RBFOX1: variants seen among roughly 807,000 people sequenced by gnomAD.
RBFOX1 encodes RNA binding protein fox-1 homolog 1.
RBFOX1 carries 8 observed loss-of-function variants against 57.7 expected under a neutral mutation model. The ratio of observed to expected loss-of-function variants is 0.14; its 90% CI spans 0.08 to 0.25. The LOEUF is 0.25. Among genes scored for constraint, RBFOX1 ranks in the 10% least tolerant of loss-of-function variants. The pLI is 1.00. For synonymous variants in RBFOX1, 326 were observed against 222.4 expected, an observed-to-expected ratio of 1.47 and a Z score of -4.15; for missense variants, 611 against 548.5, an observed-to-expected ratio of 1.11 and a Z score of -1.14.
chr16:6,629,009 G>T (rs923315757), intron 2 of RBFOX1, among the ~76,000 whole-genome samples: 3 of 152,112 alleles, frequency 2.0e-5, no homozygotes, highest in African/African-American at 7.2e-5. Context: ...CAGCCTGGGT[G>T]ACAGAGTAAG....
In RBFOX1 at chr16:7,336,910, A is replaced by G. The variant is rs2096798528; in HGVS notation, c.28-181237A>G. On this transcript the variant is annotated intron_variant, in intron 4 of 15. Coordinates refer to ENST00000550418, the MANE Select transcript of RBFOX1 (RefSeq NM_018723.4). Reference sequence around the variant, plus strand: ...GACTTTCTTTATCCCAGCTAATGTAAATATTCATGTATTTTGCTGTAGGAA... The same window carrying G: ...GACTTTCTTTATCCCAGCTAATGTAGATATTCATGTATTTTGCTGTAGGAA... Among the ~76,000 whole-genome samples, 4 of 152,132 alleles carry G rather than the reference A, an allele frequency of 2.6e-5. No individual in the cohort carries two copies. In the South Asian group the frequency reaches 8.3e-4, roughly 32 times the overall value.
Position 5,843,017 on chromosome 16 carries a change from C to T in RBFOX1, c.319-24286C>T, listed in dbSNP as rs539334693. On this transcript the variant is annotated intron_variant, in intron 3 of 19. Coordinates refer to the RBFOX1 transcript ENST00000641259. ...TTTTCTTTTTTTTCTTTAGTAGAGACGGGGTTTCACCATGTTGGCCAGGCT... is the reference window on the plus strand; with the variant it reads ...TTTTCTTTTTTTTCTTTAGTAGAGATGGGGTTTCACCATGTTGGCCAGGCT... 3.0e-4 allele frequency among the ~76,000 whole-genome samples: 45 copies of T among 151,986 alleles called. No individual in the cohort carries two copies. The South Asian group carries it at 7.5e-3, about 25-fold the overall frequency.
intron 4 of RBFOX1, among the ~76,000 whole-genome samples, chr16:7,440,489 GC>G (rs1238795113): frequency 6.6e-6 from 1 of 152,154 alleles, no homozygotes; most frequent in East Asian, 1.9e-4. Flanking sequence ...GGCACTGAGA[GC>G]CCAAGGAATG....
chr16:6,084,044 C>A (rs551342532), intron 1 of RBFOX1, among the ~76,000 whole-genome samples: 1 of 152,160 alleles, frequency 6.6e-6, no homozygotes, highest in Non-Finnish European at 1.5e-5. Context: ...AGAGTCTCAA[C>A]TTTGCTACTC....
chr16:7,617,133 A>G (rs1351121383), intron 10 of RBFOX1, among the ~76,000 whole-genome samples: 6 of 152,232 alleles, frequency 3.9e-5, no homozygotes, highest in Non-Finnish European at 8.8e-5. Flanking sequence ...ATGAAAGAGA[A>G]AAGAATGTAC....
chr16:7,455,250 T>C (rs1018868883), intron 4 of RBFOX1, among the ~76,000 whole-genome samples: 1 of 152,220 alleles, frequency 6.6e-6, no homozygotes, highest in African/African-American at 2.4e-5. Context: ...ATTTCCTTTG[T>C]AATACCTGAA....
rs148096499 is a variant in RBFOX1, at chr16:6,888,063, TCC to T, written c.-15-163992_-15-163991del. 2.3e-3 allele frequency among the ~76,000 whole-genome samples: 353 copies of T among 152,244 alleles called. 5 individuals are homozygous for T. In the East Asian group the frequency reaches 0.058, roughly 25 times the overall value. On this transcript the variant is annotated intron_variant, in intron 3 of 15. Transcript: ENST00000550418. Reference sequence around the variant, plus strand: ...TGTGTGTCTGATTTGGGGAAGACGTTCCCAGGTAATTAGTGTAAAATTTTTAA... The same window carrying T: ...TGTGTGTCTGATTTGGGGAAGACGTTCAGGTAATTAGTGTAAAATTTTTAA...
intron 4 of RBFOX1, among the ~76,000 whole-genome samples, chr16:7,239,817 A>G (rs535830327): frequency 1.5e-4 from 23 of 152,320 alleles, no homozygotes; most frequent in African/African-American, 4.6e-4. Context: ...AAGAAAACAA[A>G]TATCATTTAT....
intron 3 of RBFOX1, among the ~76,000 whole-genome samples, chr16:6,866,882 A>G (rs2060028439): frequency 1.3e-5 from 2 of 151,996 alleles, no homozygotes; most frequent in South Asian, 2.1e-4. Flanking sequence ...TTGCATGTGT[A>G]TTACTTGCCA....
chr16:7,604,364 C>G (rs545976039), intron 9 of RBFOX1, among the ~76,000 whole-genome samples: 17 of 152,264 alleles, frequency 1.1e-4, no homozygotes, highest in South Asian at 4.1e-4. Context: ...CATGATGACC[C>G]AAGCATTTCA....
At chr16:6,262,546 C>T (rs1016206635) in intron 1 of RBFOX1, among the ~76,000 whole-genome samples, 7 of 152,092 alleles carry the variant, frequency 4.6e-5, no homozygotes, top group African/African-American at 1.4e-4. Context: ...TAAAACTATG[C>T]GTTTGTAGTT....
At chr16:6,359,664 A>G (rs1264514342) in intron 2 of RBFOX1, among the ~76,000 whole-genome samples, 1 of 152,160 alleles carries the variant, frequency 6.6e-6, no homozygotes, top group Non-Finnish European at 1.5e-5. Context: ...CTATTGCTGG[A>G]TGTTTCTGCA....
chr16:5,503,835 A>T (rs893718162), intron 2 of RBFOX1, among the ~76,000 whole-genome samples: 1 of 151,990 alleles, frequency 6.6e-6, no homozygotes, highest in Admixed American at 6.5e-5. Context: ...GAAACTCTCT[A>T]CTCTTAAGCT....
intron 1 of RBFOX1, among the ~76,000 whole-genome samples, chr16:5,388,444 G>A (rs986204519): frequency 2.0e-5 from 3 of 152,130 alleles, no homozygotes; most frequent in Non-Finnish European, 4.4e-5. Flanking sequence ...TTTGGTTACC[G>A]TCTCAATGCA....
At chr16:7,205,553 C>G (rs547396863) in intron 4 of RBFOX1, among the ~76,000 whole-genome samples, 3 of 151,452 alleles carry the variant, frequency 2.0e-5, no homozygotes, top group African/African-American at 4.9e-5. Context: ...AGAAAACTTA[C>G]GGAAATAAAC....
rs140519256 is a variant in RBFOX1 at position 7,401,343 on chromosome 16, C to G, written c.28-116804C>G. Among the ~76,000 whole-genome samples, 8 of 152,220 alleles carry G rather than the reference C, an allele frequency of 5.3e-5. No homozygotes were observed. In the East Asian group the frequency reaches 1.5e-3, roughly 29 times the overall value. On this transcript the variant is annotated intron_variant, in intron 4 of 15. Transcript: ENST00000550418. ...ACATTGCTTCTTTCAAGGAGGTAAACTTTGTTGAGTATTTAGCAGTTGTTC... is the reference window on the plus strand; with the variant it reads ...ACATTGCTTCTTTCAAGGAGGTAAAGTTTGTTGAGTATTTAGCAGTTGTTC...
chr16:6,777,171 T>C (rs1475003209), intron 3 of RBFOX1, among the ~76,000 whole-genome samples: 4 of 82,128 alleles, frequency 4.9e-5, no homozygotes, highest in Admixed American at 4.8e-4. Context: ...TTCTAGGGTA[T>C]TTTCTGAGCT....
chr16:7,321,995 G>A (rs142030929), intron 4 of RBFOX1, among the ~76,000 whole-genome samples: 1 of 152,196 alleles, frequency 6.6e-6, no homozygotes, highest in Admixed American at 6.5e-5. Context: ...TCACATCTCT[G>A]TCTTGTCTGC....
chr16:7,284,601 G>T (rs1303328989), intron 4 of RBFOX1, among the ~76,000 whole-genome samples: 1 of 152,082 alleles, frequency 6.6e-6, no homozygotes, highest in African/African-American at 2.4e-5. Context: ...ACAGTGCTAG[G>T]ATGACAGGCA....
Sources: gnomAD v4.1 joint callset for allele counts (sites outside exome capture counted in the v4.1 genomes callset) on GRCh38, gnomAD v4.1.1 for gene constraint, MANE v1.5 for transcripts, NCBI Gene and HGNC (gene_info 2026-07-23, HGNC 2026-07-21) for gene names.